The following ITGA8 variants were observed in gnomAD, a reference collection of about 807,000 sequenced individuals.
ITGA8 encodes integrin subunit alpha 8.
In ITGA8, 91 loss-of-function variants were observed where a neutral mutation model predicts 142.3. The ratio of observed to expected loss-of-function variants is 0.64; its 90% CI spans 0.54 to 0.76. ITGA8 has a LOEUF of 0.76. Ranked by LOEUF, ITGA8 falls within the 30% of genes least tolerant of loss-of-function variation. ITGA8 has a pLI of 0.00. For missense variants in ITGA8, 1,406 were observed against 1,327.7 expected, an observed-to-expected ratio of 1.06 and a Z score of -0.92; for synonymous variants, 505 against 485.2, an observed-to-expected ratio of 1.04 and a Z score of -0.54.
At chr10:15,563,986 A>T (rs1027128888) in intron 25 of ITGA8, among the ~76,000 whole-genome samples, 2 of 152,116 alleles carry the variant, frequency 1.3e-5, no homozygotes, top group East Asian at 1.9e-4. Context: ...GTTTCATCAG[A>T]TGTATCTTGT....
At chr10:15,587,213 G>A (rs549060951) in intron 22 of ITGA8, among the ~76,000 whole-genome samples, 12 of 152,166 alleles carry the variant, frequency 7.9e-5, no homozygotes, top group African/African-American at 2.4e-4. Flanking sequence ...GAGCCACCCC[G>A]CCCAGCCAAA....
chr10:15,580,391 G>A (rs543361629), intron 23 of ITGA8, among the ~76,000 whole-genome samples: 24 of 152,036 alleles, frequency 1.6e-4, no homozygotes, highest in South Asian at 1.0e-3. Flanking sequence ...CAAAACCTTC[G>A]TACAAAAAAA....
chr10:15,677,509 A>G, intron 6 of ITGA8, 83 bp downstream of exon 6: 2 of 1,076,814 alleles, frequency 1.9e-6, no homozygotes, highest in Non-Finnish European at 2.8e-6. Context: ...GGTAATAGAA[A>G]GTAAACATTT....
Position 15,517,028 on chromosome 10 carries a change from T to C in ITGA8, c.*130A>G. The C allele has an allele frequency of 6.8e-5, 35 of 512,802 alleles. No individual in the cohort carries two copies. The highest frequency in any genetic ancestry group is 2.0e-4 in the South Asian group (6 of 30,270). The allele number at this position is 512,802 out of a possible 1,614,324, so 31.8% of individuals were successfully genotyped here. On this transcript the variant is annotated 3_prime_UTR_variant, in exon 30 of 30. Coordinates refer to ENST00000378076, the MANE Select transcript of ITGA8 (RefSeq NM_003638.3). ...AAGTGCGGTGTAGATGAGGTGATGTTTCCAGGGTCCCCTCCATTTCCTGGG... is the reference window on the plus strand; with the variant it reads ...AAGTGCGGTGTAGATGAGGTGATGTCTCCAGGGTCCCCTCCATTTCCTGGG...
intron 2 of ITGA8, among the ~76,000 whole-genome samples, chr10:15,710,942 A>G (rs1026796603): frequency 3.3e-5 from 5 of 152,136 alleles, no homozygotes; most frequent in African/African-American, 1.2e-4. Context: ...GTTTTTTGCA[A>G]TATCATATTC....
chr10:15,715,180 A>T (rs1387737885), intron 2 of ITGA8, among the ~76,000 whole-genome samples: 1 of 152,086 alleles, frequency 6.6e-6, no homozygotes, highest in Non-Finnish European at 1.5e-5. Context: ...ATGAAGGGGC[A>T]TTCTGTGGGA....
chr10:15,621,807 C>T (rs1301574512), intron 13 of ITGA8, among the ~76,000 whole-genome samples: 1 of 152,076 alleles, frequency 6.6e-6, no homozygotes, highest in Non-Finnish European at 1.5e-5. Context: ...TTTGAGATTG[C>T]AGTGAGCTAT....
At chr10:15,547,599 G>T (rs1833701761) in intron 27 of ITGA8, among the ~76,000 whole-genome samples, 1 of 151,994 alleles carries the variant, frequency 6.6e-6, no homozygotes, top group African/African-American at 2.4e-5. Context: ...AAAAAAAAGT[G>T]CACAAATCAA....
Position 15,606,272 on chromosome 10 carries a change from G to A in ITGA8, c.1902+13C>T. The A allele has an allele frequency of 6.3e-7, 1 of 1,589,810 alleles. No individual in the cohort carries two copies. The highest frequency in any genetic ancestry group is 8.6e-7 in the Non-Finnish European group (1 of 1,161,098). On this transcript the variant is annotated intron_variant, in intron 18 of 29. Coordinates refer to ENST00000378076, the MANE Select transcript of ITGA8 (RefSeq NM_003638.3). ...GCTTGAGAAAATGCCGTCAAAGACT[G>A]TGAAGGACTTACCTGTTCACTAACA...
At chr10:15,658,689 C>T (rs570076061) in intron 10 of ITGA8, among the ~76,000 whole-genome samples, 3 of 152,312 alleles carry the variant, frequency 2.0e-5, no homozygotes, top group East Asian at 3.9e-4. Flanking sequence ...TGCCACTTCC[C>T]TCCTGTCTTA....
At chr10:15,690,246 T>A (rs1834908244) in intron 2 of ITGA8, among the ~76,000 whole-genome samples, 1 of 152,122 alleles carries the variant, frequency 6.6e-6, no homozygotes, top group African/African-American at 2.4e-5. Context: ...TGTCCAGCAC[T>A]CCAGGGTTCA....
At chr10:15,715,823 A>T (rs995723566) in intron 2 of ITGA8, among the ~76,000 whole-genome samples, 1 of 152,240 alleles carries the variant, frequency 6.6e-6, no homozygotes, top group Non-Finnish European at 1.5e-5. Context: ...ACAGCATTGC[A>T]TCAAGTAGCT....
intron 21 of ITGA8, among the ~76,000 whole-genome samples, chr10:15,592,727 C>A (rs551621288): frequency 5.2e-4 from 79 of 152,282 alleles, no homozygotes; most frequent in African/African-American, 1.7e-3. Flanking sequence ...TCCTTAGCCT[C>A]CCAAGTAGCA....
intron 3 of ITGA8, 83 bp from the exon 4 acceptor site, chr10:15,684,210 A>G: frequency 7.0e-7 from 1 of 1,421,428 alleles, no homozygotes. Context: ...TGGTATAACA[A>G]ACTGTTAAAT....
intron 6 of ITGA8, among the ~76,000 whole-genome samples, chr10:15,674,065 CCA>C (rs1388839132): frequency 6.6e-6 from 1 of 152,078 alleles, no homozygotes. Flanking sequence ...CACAAAATTC[CCA>C]CAGTCTTTCT....
At chr10:15,598,055 C>T (rs1291954717) in intron 20 of ITGA8, among the ~76,000 whole-genome samples, 1 of 152,138 alleles carries the variant, frequency 6.6e-6, no homozygotes, top group East Asian at 1.9e-4. Flanking sequence ...AGAAACCCAC[C>T]CCTCACTCTC....
At chr10:15,554,091 G>A (rs1384609316) in intron 26 of ITGA8, among the ~76,000 whole-genome samples, 1 of 152,074 alleles carries the variant, frequency 6.6e-6, no homozygotes, top group Non-Finnish European at 1.5e-5. Context: ...TTATTGGACT[G>A]AAATAAATTA....
chr10:15,609,562 G>A (rs943143049), intron 15 of ITGA8, among the ~76,000 whole-genome samples: 2 of 152,178 alleles, frequency 1.3e-5, no homozygotes, highest in Non-Finnish European at 2.9e-5. Context: ...GCTATTACAA[G>A]TGTTTATTCC....
chr10:15,618,426 A>G (rs891879778), intron 13 of ITGA8, among the ~76,000 whole-genome samples: 1 of 152,220 alleles, frequency 6.6e-6, no homozygotes, highest in African/African-American at 2.4e-5. Context: ...GGTGTAATAG[A>G]ATTTGTACAG....
Sources: gnomAD v4.1 joint callset for allele counts (sites outside exome capture counted in the v4.1 genomes callset) on GRCh38, gnomAD v4.1.1 for gene constraint, MANE v1.5 for transcripts, NCBI Gene and HGNC (gene_info 2026-07-23, HGNC 2026-07-21) for gene names.